The following SUCLG2 variants were observed in gnomAD, a reference collection of about 807,000 sequenced individuals.
The protein encoded by SUCLG2 is succinate-CoA ligase GDP-forming subunit beta, also known as succinate--CoA ligase [GDP-forming] subunit beta, mitochondrial.
A neutral mutation model predicts 47.9 loss-of-function variants in SUCLG2; 42 were observed. The observed-to-expected ratio is 0.88, with a 90% CI of 0.69 to 1.14. The LOEUF (loss-of-function observed/expected upper bound fraction) is 1.14, where lower values mean the gene tolerates loss of function less well. Ranked by LOEUF, SUCLG2 falls within the 50% of genes most tolerant of loss-of-function variation. The pLI is 0.00. For synonymous variants in SUCLG2, 195 were observed against 197.3 expected (o/e 0.99, Z 0.10); for missense variants, 571 against 525.9 (o/e 1.09, Z -0.84).
chr3:67,606,657 C>T (rs917200438), intron 2 of SUCLG2, among the ~76,000 whole-genome samples: 8 of 152,148 alleles, frequency 5.3e-5, no homozygotes, highest in Non-Finnish European at 1.2e-4. Flanking sequence ...TCTTATTTTA[C>T]TGGGATTTTT....
At chr3:67,587,487 A>G (rs1708055145) in intron 2 of SUCLG2, among the ~76,000 whole-genome samples, 1 of 152,230 alleles carries the variant, frequency 6.6e-6, no homozygotes, top group African/African-American at 2.4e-5. Context: ...TGAAACCTTA[A>G]AAGTGACAAA....
intron 9 of SUCLG2, among the ~76,000 whole-genome samples, chr3:67,419,969 G>A (rs1703118479): frequency 1.3e-5 from 2 of 152,190 alleles, no homozygotes; most frequent in South Asian, 4.1e-4. Context: ...AAGGAAGGCA[G>A]GGATGGTTTG....
At chr3:67,545,364 A>T (rs1446079437) in intron 2 of SUCLG2, among the ~76,000 whole-genome samples, 2 of 152,208 alleles carry the variant, frequency 1.3e-5, no homozygotes, top group Non-Finnish European at 2.9e-5. Context: ...CTACCCCAAG[A>T]GAGATGAAAG....
At chr3:67,381,784 G>T (rs1227908082) in intron 10 of SUCLG2, among the ~76,000 whole-genome samples, 3 of 152,102 alleles carry the variant, frequency 2.0e-5, no homozygotes, top group Non-Finnish European at 4.4e-5. Flanking sequence ...TCTACTACTA[G>T]GGGATATTAT....
chr3:67,589,260 T>C (rs1708097935), intron 2 of SUCLG2, among the ~76,000 whole-genome samples: 1 of 152,230 alleles, frequency 6.6e-6, no homozygotes. Flanking sequence ...CCCTCTTTTA[T>C]ATTATTCATA....
At chr3:67,376,028 T>C (rs922707628) in intron 10 of SUCLG2, 169 bp from the exon 11 acceptor site, 4 of 985,354 alleles carry the variant, frequency 4.1e-6, no homozygotes, top group Non-Finnish European at 4.8e-6. Context: ...ATGAAATTTA[T>C]CTCAAGCTGT....
At chr3:67,632,192 ATT>A (rs1014686186) in intron 1 of SUCLG2, among the ~76,000 whole-genome samples, 2 of 151,182 alleles carry the variant, frequency 1.3e-5, no homozygotes, top group Admixed American at 6.6e-5. Flanking sequence ...TCCAGAGTTC[ATT>A]TTTTTTTAGA....
At chr3:67,508,322 T>C (rs1705693778) in intron 7 of SUCLG2, among the ~76,000 whole-genome samples, 1 of 152,220 alleles carries the variant, frequency 6.6e-6, no homozygotes, top group Non-Finnish European at 1.5e-5. Flanking sequence ...CCCAAGTGTG[T>C]GGCTCCCATT....
At chr3:67,374,631 A>G, downstream of SUCLG2, 1 of 421,644 alleles carries the variant, frequency 2.4e-6, no homozygotes, top group East Asian at 1.6e-4. Context: ...TTTTAGAGGC[A>G]TACCTAAGAC....
At chr3:67,365,655 T>C (rs963107819) in intron 10 of SUCLG2, among the ~76,000 whole-genome samples, 2 of 152,350 alleles carry the variant, frequency 1.3e-5, no homozygotes, top group Admixed American at 6.5e-5. Flanking sequence ...TGACTAAGCA[T>C]ACATGTTCAG....
At chr3:67,593,736 G>T (rs1379553748) in intron 2 of SUCLG2, among the ~76,000 whole-genome samples, 2 of 152,156 alleles carry the variant, frequency 1.3e-5, no homozygotes, top group African/African-American at 4.8e-5. Context: ...CCCATGTTCA[G>T]GGAACTCCTC....
chr3:67,409,182 T>TGGGGAGGGGTCAGGAAGGTACA, intron 9 of SUCLG2: 1 of 828,660 alleles, frequency 1.2e-6, no homozygotes. Flanking sequence ...TAGATGGGGC[T>TGGGGAGGGGTCAGGAAGGTACA]GGGGAGGGGT....
At chr3:67,615,252 G>GAA (rs11382364) in intron 1 of SUCLG2, among the ~76,000 whole-genome samples, 128 of 147,004 alleles carry the variant, frequency 8.7e-4, no homozygotes, top group African/African-American at 1.9e-3. Flanking sequence ...CAGCTACACA[G>GAA]AAAAAAAAAA....
At chr3:67,522,093 C>T (rs1013299466) in intron 4 of SUCLG2, among the ~76,000 whole-genome samples, 1 of 151,906 alleles carries the variant, frequency 6.6e-6, no homozygotes, top group Non-Finnish European at 1.5e-5. Flanking sequence ...TGCTGTGTTG[C>T]TCTCAGGCTG....
chr3:67,535,071 G>C (rs868601354), intron 2 of SUCLG2, among the ~76,000 whole-genome samples: 3 of 152,102 alleles, frequency 2.0e-5, no homozygotes, highest in Middle Eastern at 3.2e-3. Context: ...GCTGGAAACA[G>C]TCATGGAAGA....
downstream of SUCLG2, among the ~76,000 whole-genome samples, chr3:67,372,707 A>G (rs1178115055): frequency 6.6e-6 from 1 of 152,176 alleles, no homozygotes; most frequent in Non-Finnish European, 1.5e-5. Flanking sequence ...TTAAAATGGA[A>G]AGATCAAAGA....
intron 1 of SUCLG2, among the ~76,000 whole-genome samples, chr3:67,618,263 T>C (rs1157107954): frequency 1.3e-5 from 2 of 152,128 alleles, no homozygotes; most frequent in East Asian, 3.9e-4. Flanking sequence ...CTACTAAGAA[T>C]ACAAAAATTA....
chr3:67,422,317 C>T (rs1022996107), intron 9 of SUCLG2, among the ~76,000 whole-genome samples: 1 of 149,830 alleles, frequency 6.7e-6, no homozygotes, highest in African/African-American at 2.5e-5. Flanking sequence ...ACTAAAAATA[C>T]AAAAAAAATT....
downstream of SUCLG2, among the ~76,000 whole-genome samples, chr3:67,373,102 GA>G (rs1701975237): frequency 6.6e-6 from 1 of 152,006 alleles, no homozygotes; most frequent in Non-Finnish European, 1.5e-5. Flanking sequence ...TCCCCACTAT[GA>G]TATATATTTT....
Sources: gnomAD v4.1 joint callset for allele counts (sites outside exome capture counted in the v4.1 genomes callset) on GRCh38, gnomAD v4.1.1 for gene constraint, MANE v1.5 for transcripts, NCBI Gene and HGNC (gene_info 2026-07-23, HGNC 2026-07-21) for gene names.